Variants in CENPF observed in about 807,000 individuals in gnomAD.
CENPF encodes centromere protein F.
CENPF carries 214 observed loss-of-function variants against 307.3 expected under a neutral mutation model. The ratio of observed to expected loss-of-function variants is 0.70; its 90% CI spans 0.62 to 0.78. The LOEUF (loss-of-function observed/expected upper bound fraction) is 0.78, where lower values mean the gene tolerates loss of function less well. Ranked by LOEUF, CENPF falls within the 30% of genes least tolerant of loss-of-function variation. The pLI is 0.00. For missense variants in CENPF, 3,401 were observed against 3,483.9 expected (o/e 0.98, Z 0.60); for synonymous variants, 1,259 against 1,270.6 (o/e 0.99, Z 0.19).
Position 214,643,308 on chromosome 1 carries a change from G to C in CENPF, c.4970G>C (p.Gly1657Ala), listed in dbSNP as rs745322895. 1 of 1,502,140 alleles carries C rather than the reference G, an allele frequency of 6.7e-7. No homozygotes were observed. The highest frequency in any genetic ancestry group is 8.9e-7 in the Non-Finnish European group (1 of 1,128,812). 93.1% of individuals were successfully genotyped at this position (1,502,140 alleles called of 1,614,324 possible). A position where few individuals can be genotyped will look rare whatever the true frequency, so the allele number is the denominator to read the frequency against. Residue 1657 changes from glycine (G) to alanine (A), a missense_variant, in exon 12 of 20, where the codon GGC becomes GCC. Gly to Ala is a moderately conservative substitution (Grantham distance 60). Transcript: ENST00000366955. ...GLDLSSRSLL[G>A]IDTEDAIQGR... is the part of the protein sequence containing the mutation. ...GACTTAAGTTCTCGGTCTTTGCTTG[G>C]CATCGACACAGAAGATGTAAGTACC...
At chr1:214,614,015 ATCT>A in intron 2 of CENPF, 99 bp downstream of exon 2, 2 of 1,167,722 alleles carry the variant, frequency 1.7e-6, no homozygotes, top group Non-Finnish European at 2.3e-6. Flanking sequence ...TAATTATTTC[ATCT>A]TCTTTACATT....
At chr1:214,603,438 T>A (rs1656940782) in intron 1 of CENPF, 117 bp downstream of exon 1, 1 of 152,146 alleles carries the variant, frequency 6.6e-6, no homozygotes, top group Non-Finnish European at 1.5e-5. Flanking sequence ...GCCTCTGGGA[T>A]CACTCTCCCG....
chr1:214,605,950 G>A (rs1657015639), intron 1 of CENPF: 1 of 1,597,338 alleles, frequency 6.3e-7, no homozygotes, highest in Non-Finnish European at 8.5e-7. Flanking sequence ...GGAAGGCGAC[G>A]CGCATGCCCG....
Position 214,641,013 on chromosome 1 carries a change from CT to C in CENPF, c.2677del (p.Ser893LeufsTer11). 1 of 1,574,708 alleles carries C rather than the reference CT, an allele frequency of 6.4e-7. No individual in the cohort carries two copies. Among genetic ancestry groups the C allele is most frequent in the Non-Finnish European group, 8.6e-7 (1 of 1,167,366 alleles). On this transcript the variant is annotated frameshift_variant, in exon 12 of 20. Coordinates refer to ENST00000366955, the MANE Select transcript of CENPF (RefSeq NM_016343.4). LOFTEE classifies it high-confidence loss of function. The part of the protein sequence containing the change: ...SQRISKLQED[T>X]SAHQNVVAET... ...CGCATTAGTAAGTTACAGGAAGACA[CT>C]TCTGCTCACCAGAATGTTGTTGCTG... is the stretch of plus-strand genomic sequence containing the variant.
intron 14 of CENPF, among the ~76,000 whole-genome samples, chr1:214,649,881 C>A (rs866474607): frequency 4.1e-4 from 62 of 152,178 alleles, no homozygotes; most frequent in African/African-American, 1.4e-3. Context: ...TTTATTCATT[C>A]ATTTATTCAT....
At chr1:214,608,618 C>A in intron 1 of CENPF, 2 of 1,606,410 alleles carry the variant, frequency 1.2e-6, no homozygotes, top group African/African-American at 2.7e-5. Context: ...TACTGGAAGT[C>A]GGCGCGCTCC....
intron 16 of CENPF, chr1:214,653,624 T>A (rs1658551224): frequency 6.5e-6 from 1 of 154,298 alleles, no homozygotes; most frequent in Admixed American, 6.5e-5. Flanking sequence ...GTAATGAACC[T>A]GGATAATAAA....
intron 10 of CENPF, among the ~76,000 whole-genome samples, chr1:214,636,667 C>A (rs1657974886): frequency 6.6e-6 from 1 of 152,156 alleles, no homozygotes; most frequent in Admixed American, 6.5e-5. Flanking sequence ...AGGCAGCCTT[C>A]CAACACAGTA....
At position 214,647,164 on chromosome 1, in the gene CENPF, C is replaced by T. The variant is rs759213188; in HGVS notation, c.7594C>T (p.Gln2532Ter). ...EEISRLKNQI[Q>*]DQEQLVSKLS... ...AATCAGTAGACTGAAAAATCAAATT[C>T]AAGACCAAGAGCAGCTTGTCTCTAA... The change falls in exon 13 of 20, where the codon CAA becomes TAA. Residue 2532 changes from glutamine to a stop codon, truncating the protein, a stop_gained. Coordinates refer to ENST00000366955, the MANE Select transcript of CENPF (RefSeq NM_016343.4). LOFTEE classifies it high-confidence loss of function. 3.7e-6 allele frequency: 6 copies of T among 1,613,924 alleles called. No individual in the cohort carries two copies. The highest frequency in any genetic ancestry group is 5.1e-6 in the Non-Finnish European group (6 of 1,179,992).
chr1:214,612,820 T>C (rs1657234814), intron 1 of CENPF: 1 of 154,030 alleles, frequency 6.5e-6, no homozygotes, highest in Non-Finnish European at 1.4e-5. Context: ...AAGATAAATT[T>C]CCTTTGAATG....
In CENPF at chr1:214,640,224, T is replaced by G. The variant is rs928746742; in HGVS notation, c.1886T>G (p.Leu629Arg). Residue 629 changes from leucine to arginine, a missense_variant, in exon 12 of 20, where the codon CTT (leucine) becomes CGT (arginine). Leu to Arg is a moderately radical substitution (Grantham distance 102, BLOSUM62 -2). Coordinates refer to ENST00000366955, the MANE Select transcript of CENPF (RefSeq NM_016343.4). Reference sequence around the variant, plus strand: ...TGTTGGAAAAGTGAAAACGAAAAACTTTTAACTCAGATGGAATCAGAAAAG... The same window carrying G: ...TGTTGGAAAAGTGAAAACGAAAAACGTTTAACTCAGATGGAATCAGAAAAG... ...FSCWKSENEK[L>R]LTQMESEKEN... is the part of the protein sequence containing the mutation. The G allele has an allele frequency of 2.5e-6, 4 of 1,607,674 alleles. No homozygotes were observed. The highest frequency in any genetic ancestry group is 2.5e-6 in the Non-Finnish European group (3 of 1,178,604).
At chr1:214,653,467 CTTTT>C (rs5780800) in intron 16 of CENPF, 3 of 146,888 alleles carry the variant, frequency 2.0e-5, no homozygotes, top group Non-Finnish European at 3.0e-5. Flanking sequence ...GATCATAGAA[CTTTT>C]TTTTTTTTTT....
intron 14 of CENPF, 97 bp from the exon 15 acceptor site, chr1:214,651,613 A>T (rs1658461697): frequency 3.6e-6 from 3 of 843,434 alleles, no homozygotes; most frequent in Admixed American, 3.1e-5. Flanking sequence ...GCCCATAAAT[A>T]TTTTTTTTCT....
chr1:214,646,028 A>G lies in CENPF; in HGVS notation c.6458A>G (p.Lys2153Arg). Residue 2153 changes from lysine to arginine, a missense_variant, in exon 13 of 20, where the codon AAG (lysine) becomes AGG (arginine). Physicochemically the swap from Lys to Arg is conservative, Grantham distance 26. Coordinates refer to ENST00000366955, the MANE Select transcript of CENPF (RefSeq NM_016343.4). ...KERERENDSL[K>R]DKVENLEREL... ...CGCGAGCGGGAGAATGATTCACTTA[A>G]GGATAAAGTTGAGAACCTTGAAAGG... is the stretch of plus-strand genomic sequence containing the variant. The G allele has an allele frequency of 6.2e-7, 1 of 1,614,102 alleles. No individual in the cohort carries two copies. The highest frequency in any genetic ancestry group is 8.5e-7 in the Non-Finnish European group (1 of 1,180,024).
chr1:214,617,801 A>G (rs1197330215), intron 3 of CENPF, among the ~76,000 whole-genome samples: 2 of 152,062 alleles, frequency 1.3e-5, no homozygotes, highest in Admixed American at 6.5e-5. Flanking sequence ...CTTTCTTCCC[A>G]TGTTTCTGAA....
chr1:214,642,960 C>T lies in CENPF; in HGVS notation c.4622C>T (p.Thr1541Ile), dbSNP rs1658172870. 6.2e-7 allele frequency: 1 copy of T among 1,612,642 alleles called. No homozygotes were observed. The highest frequency in any genetic ancestry group is 1.3e-5 in the African/African-American group (1 of 74,652). Residue 1541 changes from threonine (T) to isoleucine (I), a missense_variant, in exon 12 of 20, where the codon ACC becomes ATC. By Grantham distance (89) the Thr-to-Ile change is moderately conservative (BLOSUM62 -1). Coordinates refer to ENST00000366955, the MANE Select transcript of CENPF (RefSeq NM_016343.4). ...GAGGAGAATCTGACCAGGAAAGAAA[C>T]CCCTTCGGCCCCAGCGAAGGGTGTT... ...LQEENLTRKE[T>I]PSAPAKGVEE...
chr1:214,654,184 A>G (rs917349707), intron 16 of CENPF: 1 of 152,212 alleles, frequency 6.6e-6, no homozygotes, highest in African/African-American at 2.4e-5. Context: ...GCCATATATA[A>G]TATCCCAGAG....
rs1658144141 is a variant in CENPF, at chr1:214,642,265, A to G, written c.3927A>G (p.Ile1309Met). 3 of 1,613,804 alleles carry G rather than the reference A, an allele frequency of 1.9e-6. No homozygotes were observed. Among genetic ancestry groups the G allele is most frequent in the African/African-American group, 1.3e-5 (1 of 74,926 alleles). Residue 1309 changes from isoleucine to methionine, a missense_variant, in exon 12 of 20, where the codon ATA becomes ATG. Coordinates refer to ENST00000366955, the MANE Select transcript of CENPF (RefSeq NM_016343.4). ...KLNELEKICE[I>M]LQAEKYELVT... The stretch of plus-strand genomic sequence containing the variant: ...ATGAGCTAGAGAAAATATGTGAAAT[A>G]CTGCAGGCTGAAAAGTATGAACTCG...
chr1:214,608,240 G>C, intron 1 of CENPF: 1 of 1,440,456 alleles, frequency 6.9e-7, no homozygotes, highest in African/African-American at 1.4e-5. Context: ...TCCCAGGGAA[G>C]CCCGCCCCCC....
Sources: gnomAD v4.1 joint callset for allele counts (sites outside exome capture counted in the v4.1 genomes callset) on GRCh38, gnomAD v4.1.1 for gene constraint, MANE v1.5 for transcripts, NCBI Gene and HGNC (gene_info 2026-07-23, HGNC 2026-07-21) for gene names.